PIGK: variants seen among roughly 807,000 people sequenced by gnomAD.
The protein encoded by PIGK is phosphatidylinositol glycan anchor biosynthesis class K, also known as GPI-anchor transamidase.
In PIGK, 42 loss-of-function variants were observed where a neutral mutation model predicts 50.6. That is an observed-to-expected ratio of 0.83 (90% CI 0.65 to 1.07). The LOEUF is 1.07. Among genes scored for constraint, PIGK ranks in the 50% least tolerant of loss-of-function variants. The pLI is 0.00. For missense variants in PIGK, 448 were observed against 488.7 expected, an observed-to-expected ratio of 0.92 and a Z score of 0.78; for synonymous variants, 151 against 156.0, an observed-to-expected ratio of 0.97 and a Z score of 0.24.
chr1:77,195,352 G>A, intron 3 of PIGK: 2 of 1,262,322 alleles, frequency 1.6e-6, no homozygotes, highest in South Asian at 1.3e-5. Context: ...GCGGGCGGAG[G>A]CACAGGCACT....
At chr1:77,173,365 T>A (rs1347511780) in intron 3 of PIGK, among the ~76,000 whole-genome samples, 1 of 152,158 alleles carries the variant, frequency 6.6e-6, no homozygotes, top group Non-Finnish European at 1.5e-5. Flanking sequence ...ATATTAGAAT[T>A]CGGGTCCCCC....
chr1:77,162,115 T>C (rs1411790318), intron 6 of PIGK, among the ~76,000 whole-genome samples: 1 of 152,122 alleles, frequency 6.6e-6, no homozygotes, highest in Non-Finnish European at 1.5e-5. Context: ...CAGACAAACA[T>C]ACAACTACAT....
At chr1:77,116,587 T>C (rs948726139) in intron 10 of PIGK, among the ~76,000 whole-genome samples, 3 of 118,332 alleles carry the variant, frequency 2.5e-5, no homozygotes, top group African/African-American at 1.2e-4. Flanking sequence ...TGTGTGTGTG[T>C]GTGTGTGTGC....
chr1:77,148,699 T>C (rs13374448), intron 9 of PIGK, among the ~76,000 whole-genome samples: 3 of 151,524 alleles, frequency 2.0e-5, no homozygotes, highest in African/African-American at 7.3e-5. Flanking sequence ...GAAGTTACGT[T>C]AGCATCAGTT....
intron 10 of PIGK, among the ~76,000 whole-genome samples, chr1:77,097,773 A>C (rs933884202): frequency 3.9e-5 from 6 of 152,170 alleles, no homozygotes; most frequent in African/African-American, 1.2e-4. Context: ...ATTATTGAGA[A>C]TAAAGGGCTC....
chr1:77,106,696 CTAA>C (rs780846706), intron 10 of PIGK, among the ~76,000 whole-genome samples: 89 of 152,038 alleles, frequency 5.9e-4, no homozygotes, highest in Non-Finnish European at 9.1e-4. Flanking sequence ...AGACAGCACG[CTAA>C]TGTTTATTGT....
chr1:77,129,015 G>A (rs1391196247), intron 9 of PIGK: 2 of 723,130 alleles, frequency 2.8e-6, no homozygotes, highest in East Asian at 5.0e-5. Flanking sequence ...CAGCAGAGCT[G>A]CATATTTACA....
At chr1:77,120,241 G>T (rs1427447916) in intron 10 of PIGK, among the ~76,000 whole-genome samples, 2 of 152,064 alleles carry the variant, frequency 1.3e-5, no homozygotes, top group Non-Finnish European at 1.5e-5. Flanking sequence ...TCAAGACAGG[G>T]TCTCACTCTG....
At chr1:77,184,849 T>C (rs538197154) in intron 3 of PIGK, among the ~76,000 whole-genome samples, 2 of 152,064 alleles carry the variant, frequency 1.3e-5, no homozygotes, top group Non-Finnish European at 2.9e-5. Context: ...CCTCTACCTA[T>C]AAAAATAGTA....
In PIGK at chr1:77,177,953, CT is replaced by C. The variant is rs1353870674; in HGVS notation, c.240-8559del. ...GTTTCTCCCCAGAAGAAGATGGCAT[CT>C]TTTCCCAAGATGACAGCTTTTCCCA... On this transcript the variant is annotated intron_variant, in intron 3 of 10. Coordinates refer to ENST00000370812, the MANE Select transcript of PIGK (RefSeq NM_005482.3). Among the ~76,000 whole-genome samples, 7 of 152,302 alleles carry C rather than the reference CT, an allele frequency of 4.6e-5. No individual in the cohort carries two copies. The South Asian group carries it at 1.2e-3, about 27-fold the overall frequency.
rs749156803 is a variant in PIGK, at chr1:77,169,231, T to TA, written c.375+28dup. The TA allele has an allele frequency of 3.5e-6, 5 of 1,423,578 alleles. No individual in the cohort carries two copies. The South Asian group carries it at 5.7e-5, about 16-fold the overall frequency. 88.2% of individuals were successfully genotyped at this position (1,423,578 alleles called of 1,614,324 possible). A position where few individuals can be genotyped will look rare whatever the true frequency, so the allele number is the denominator to read the frequency against. Reference sequence around the variant, plus strand: ...GAGCCTAAAAGTAACAATGCCATTTTAAAAATGTGGCTAGATTAAAGAATT... The same window carrying TA: ...GAGCCTAAAAGTAACAATGCCATTTTAAAAAATGTGGCTAGATTAAAGAATT... On this transcript the variant is annotated intron_variant, in intron 4 of 10. Transcript: ENST00000370812.
intron 3 of PIGK, among the ~76,000 whole-genome samples, chr1:77,185,748 T>C (rs1314560924): frequency 6.6e-6 from 1 of 152,156 alleles, no homozygotes; most frequent in Non-Finnish European, 1.5e-5. Context: ...ACACAGCAGA[T>C]CCAATGGTGC....
rs370747669 is a variant in PIGK, at chr1:77,147,880, T to C, written c.986+6569A>G. On this transcript the variant is annotated intron_variant, in intron 9 of 10. Transcript: ENST00000370812. ...ATATAACTTTATCTTACTTAACATA[T>C]GTAAGTTTCAGAAGACACATAAAAA... 2.0e-4 allele frequency among the ~76,000 whole-genome samples: 30 copies of C among 152,320 alleles called. 1 individual carries two copies. The East Asian group carries it at 3.7e-3, about 19-fold the overall frequency.
chr1:77,169,901 C>T (rs1487860578), intron 3 of PIGK, among the ~76,000 whole-genome samples: 1 of 152,190 alleles, frequency 6.6e-6, no homozygotes, highest in Non-Finnish European at 1.5e-5. Flanking sequence ...AGTATAAAAA[C>T]ATGCAACTGA....
rs1045489233 is a variant in PIGK, at chr1:77,091,903, A to G, written c.*471T>C. 1 of 152,730 alleles carries G rather than the reference A, an allele frequency of 6.5e-6. No homozygotes were observed. The highest frequency in any genetic ancestry group is 2.4e-5 in the African/African-American group (1 of 41,478). 9.5% of individuals were successfully genotyped at this position (152,730 alleles called of 1,614,324 possible). Reference sequence around the variant, plus strand: ...TGTATTTTTGAGAGGGAAAAGGTTGATAATACATTGTAAAATGAAAAAAGA... The same window carrying G: ...TGTATTTTTGAGAGGGAAAAGGTTGGTAATACATTGTAAAATGAAAAAAGA... On this transcript the variant is annotated 3_prime_UTR_variant, in exon 11 of 11. Coordinates refer to ENST00000370812, the MANE Select transcript of PIGK (RefSeq NM_005482.3).
At chr1:77,174,786 G>A (rs1166454349) in intron 3 of PIGK, among the ~76,000 whole-genome samples, 2 of 152,102 alleles carry the variant, frequency 1.3e-5, no homozygotes, top group Non-Finnish European at 2.9e-5. Flanking sequence ...TTCCAGCTGT[G>A]CCTGCTTATT....
chr1:77,133,439 G>A (rs1325412228), intron 9 of PIGK, among the ~76,000 whole-genome samples: 4 of 151,948 alleles, frequency 2.6e-5, no homozygotes, highest in African/African-American at 9.7e-5. Flanking sequence ...TTATTTTAAA[G>A]TTTTTGTCTA....
intron 10 of PIGK, among the ~76,000 whole-genome samples, chr1:77,113,935 A>G (rs1653909323): frequency 6.6e-6 from 1 of 152,118 alleles, no homozygotes; most frequent in African/African-American, 2.4e-5. Context: ...TGGGAAGTCA[A>G]GTGCAGCTGG....
At chr1:77,192,295 CAAAT>C (rs34113198) in intron 3 of PIGK, among the ~76,000 whole-genome samples, 26,552 of 151,878 alleles carry the variant, frequency 0.17, 3,946 homozygotes, top group African/African-American at 0.41. Flanking sequence ...CAGATGAAAT[CAAAT>C]TAATTAGAAG....
Sources: allele counts gnomAD v4.1 joint callset (sites outside exome capture counted in the v4.1 genomes callset), GRCh38; gene constraint gnomAD v4.1.1; transcripts MANE v1.5; gene names NCBI Gene and HGNC (gene_info 2026-07-23, HGNC 2026-07-21).